Variants in MGAT4C observed in about 807,000 individuals in gnomAD.
The protein encoded by MGAT4C is MGAT4 family member C.
A neutral mutation model predicts 40.1 loss-of-function variants in MGAT4C; 19 were observed. The observed-to-expected ratio is 0.47, with a 90% CI of 0.33 to 0.70. The LOEUF (loss-of-function observed/expected upper bound fraction) is 0.70, where lower values mean the gene tolerates loss of function less well. MGAT4C is among the 30% of genes least tolerant of loss of function. The pLI is 0.02. For synonymous variants in MGAT4C, 181 were observed against 187.1 expected (o/e 0.97, Z 0.27); for missense variants, 491 against 563.2 (o/e 0.87, Z 1.30).
At chr12:86,733,799 C>G (rs184796638) in intron 1 of MGAT4C, among the ~76,000 whole-genome samples, 29 of 152,140 alleles carry the variant, frequency 1.9e-4, no homozygotes, top group Admixed American at 1.8e-3. Flanking sequence ...TCCTTTAAAA[C>G]CTCTGAACTT....
At chr12:86,498,433 A>C (rs944619603) in intron 2 of MGAT4C, among the ~76,000 whole-genome samples, 8 of 151,908 alleles carry the variant, frequency 5.3e-5, no homozygotes, top group African/African-American at 1.9e-4. Flanking sequence ...CAGAAAAAGC[A>C]AGGCATGCAT....
chr12:86,483,692 T>C (rs1367232473), intron 2 of MGAT4C, among the ~76,000 whole-genome samples: 3 of 151,310 alleles, frequency 2.0e-5, no homozygotes, highest in Non-Finnish European at 4.4e-5. Context: ...CATATTCATA[T>C]GGCACTTATT....
intron 4 of MGAT4C, among the ~76,000 whole-genome samples, chr12:86,293,267 T>C (rs1284617203): frequency 6.6e-6 from 1 of 152,152 alleles, no homozygotes; most frequent in Non-Finnish European, 1.5e-5. Context: ...ATAGATATTG[T>C]TAGTTTAATA....
chr12:86,160,889 C>T (rs1428876086), intron 1 of MGAT4C, among the ~76,000 whole-genome samples: 1 of 151,998 alleles, frequency 6.6e-6, no homozygotes, highest in African/African-American at 2.4e-5. Context: ...TATAACATTA[C>T]CAACTCCTGC....
chr12:86,621,117 A>G (rs1398125920), intron 2 of MGAT4C, among the ~76,000 whole-genome samples: 1 of 152,114 alleles, frequency 6.6e-6, no homozygotes, highest in Non-Finnish European at 1.5e-5. Context: ...TTAAAAAATT[A>G]TAATTTTATA....
chr12:86,492,240 C>A (rs1958151818), intron 2 of MGAT4C, among the ~76,000 whole-genome samples: 1 of 152,162 alleles, frequency 6.6e-6, no homozygotes, highest in Non-Finnish European at 1.5e-5. Flanking sequence ...GTTATAGATT[C>A]AATGTCATCC....
At chr12:86,017,848 A>G (rs1165714455) in intron 2 of MGAT4C, among the ~76,000 whole-genome samples, 2 of 152,114 alleles carry the variant, frequency 1.3e-5, no homozygotes, top group African/African-American at 2.4e-5. Flanking sequence ...ACCTCTAATC[A>G]TTGCTCATGA....
chr12:86,184,787 A>C (rs912349059), intron 1 of MGAT4C, among the ~76,000 whole-genome samples: 2 of 148,370 alleles, frequency 1.3e-5, no homozygotes, highest in Non-Finnish European at 3.0e-5. Context: ...ATTGTTTTGG[A>C]CCAGCCTCCT....
chr12:86,326,425 C>T (rs980513856), intron 4 of MGAT4C, among the ~76,000 whole-genome samples: 1 of 150,998 alleles, frequency 6.6e-6, no homozygotes, highest in Non-Finnish European at 1.5e-5. Context: ...ACAGTGTACA[C>T]GATTAATTTA....
intron 2 of MGAT4C, among the ~76,000 whole-genome samples, chr12:86,700,364 A>T (rs1203921172): frequency 1.3e-5 from 2 of 152,076 alleles, no homozygotes; most frequent in African/African-American, 4.8e-5. Flanking sequence ...AAGCTCAGAC[A>T]TAAACATACA....
At chr12:86,181,102 C>T (rs1038384278) in intron 1 of MGAT4C, among the ~76,000 whole-genome samples, 1 of 152,180 alleles carries the variant, frequency 6.6e-6, no homozygotes. Context: ...CTCAGGAGAT[C>T]GTATCAGTTA....
At position 85,962,498 on chromosome 12, in the gene MGAT4C, A is replaced by C. The variant is rs1883166149; in HGVS notation, c.*16791T>G. 6.7e-6 allele frequency: 1 copy of C among 149,352 alleles called. No individual in the cohort carries two copies. The highest frequency in any genetic ancestry group is 6.7e-5 in the Admixed American group (1 of 14,906). The allele number at this position is 149,352 out of a possible 1,614,324, so 9.3% of individuals were successfully genotyped here. A position where few individuals can be genotyped will look rare whatever the true frequency, so the allele number is the denominator to read the frequency against. The stretch of plus-strand genomic sequence containing the variant: ...ACATTGTTTACTTTTTTATCCTCAC[A>C]ACAATTCAACATGATATGTATGGTT... On this transcript the variant is annotated 3_prime_UTR_variant, in exon 5 of 5. Transcript: ENST00000611864.
At chr12:86,608,039 C>T (rs1962106006) in intron 2 of MGAT4C, among the ~76,000 whole-genome samples, 1 of 152,036 alleles carries the variant, frequency 6.6e-6, no homozygotes, top group Admixed American at 6.6e-5. Context: ...ACCCTATATT[C>T]ACTTTAATAA....
chr12:86,630,560 A>C (rs915886558), intron 2 of MGAT4C, among the ~76,000 whole-genome samples: 22 of 152,226 alleles, frequency 1.4e-4, no homozygotes, highest in Non-Finnish European at 2.4e-4. Context: ...CACCAAGATC[A>C]AGTTGGTTTC....
At chr12:86,040,815 G>A (rs1891748800) in intron 2 of MGAT4C, among the ~76,000 whole-genome samples, 1 of 152,220 alleles carries the variant, frequency 6.6e-6, no homozygotes, top group African/African-American at 2.4e-5. Context: ...CGAGGATCCT[G>A]GTGGTGTGGG....
intron 2 of MGAT4C, among the ~76,000 whole-genome samples, chr12:86,588,938 C>A (rs1416437269): frequency 1.3e-5 from 2 of 151,344 alleles, no homozygotes; most frequent in African/African-American, 2.4e-5. Context: ...TAAATGCCCA[C>A]AAGAGAAAGC....
At chr12:86,613,195 A>C (rs996471605) in intron 2 of MGAT4C, among the ~76,000 whole-genome samples, 1 of 152,194 alleles carries the variant, frequency 6.6e-6, no homozygotes, top group Non-Finnish European at 1.5e-5. Flanking sequence ...ATTTATATGA[A>C]ATCTCTGTTG....
intron 4 of MGAT4C, among the ~76,000 whole-genome samples, chr12:86,332,202 C>T (rs1954684760): frequency 6.6e-6 from 1 of 152,036 alleles, no homozygotes; most frequent in East Asian, 1.9e-4. Flanking sequence ...ACAGTAAAGA[C>T]TTTTGTCACG....
At chr12:86,711,852 T>C (rs1950561442) in intron 2 of MGAT4C, among the ~76,000 whole-genome samples, 1 of 152,158 alleles carries the variant, frequency 6.6e-6, no homozygotes, top group Admixed American at 6.6e-5. Flanking sequence ...TTAACAATTA[T>C]TAAGAATTTC....
Sources: allele counts gnomAD v4.1 joint callset (sites outside exome capture counted in the v4.1 genomes callset), GRCh38; gene constraint gnomAD v4.1.1; transcripts MANE v1.5; gene names NCBI Gene and HGNC (gene_info 2026-07-23, HGNC 2026-07-21).